PPP6R2: variants seen among roughly 807,000 people sequenced by gnomAD.
The protein encoded by PPP6R2 is serine/threonine-protein phosphatase 6 regulatory subunit 2.
Under a neutral mutation model 100.2 loss-of-function variants are expected in PPP6R2, and 62 were observed. The observed-to-expected ratio is 0.62, with a 90% CI of 0.50 to 0.76. The LOEUF (loss-of-function observed/expected upper bound fraction) is 0.76, where lower values mean the gene tolerates loss of function less well. Among genes scored for constraint, PPP6R2 ranks in the 30% least tolerant of loss-of-function variants. PPP6R2 has a pLI of 0.00. For synonymous variants in PPP6R2, 525 were observed against 514.7 expected (o/e 1.02, Z -0.27); for missense variants, 1,142 against 1,276.3 (o/e 0.89, Z 1.60).
intron 10 of PPP6R2, among the ~76,000 whole-genome samples, chr22:50,429,176 G>A (rs1366403913): frequency 4.6e-5 from 7 of 152,064 alleles, no homozygotes; most frequent in South Asian, 4.1e-4. Flanking sequence ...GATTACAGGC[G>A]TGTGCCACCA....
intron 1 of PPP6R2, among the ~76,000 whole-genome samples, chr22:50,348,725 A>G (rs150771455): frequency 2.0e-5 from 3 of 152,226 alleles, no homozygotes; most frequent in South Asian, 2.1e-4. Flanking sequence ...CAGGTATACA[A>G]CTGTCATCAT....
intron 2 of PPP6R2, among the ~76,000 whole-genome samples, chr22:50,389,982 C>CTTT (rs1475511171): frequency 4.1e-5 from 6 of 146,118 alleles, no homozygotes; most frequent in Non-Finnish European, 9.0e-5. Context: ...TTTCTTTTTT[C>CTTT]TTTTTCTTTT....
chr22:50,369,932 AG>A (rs1352532877), intron 1 of PPP6R2, among the ~76,000 whole-genome samples: 2 of 134,590 alleles, frequency 1.5e-5, no homozygotes, highest in Non-Finnish European at 3.1e-5. Flanking sequence ...TTTTTTAAGT[AG>A]AGGCAAGGTC....
chr22:50,415,227 C>G (rs2060362711), intron 5 of PPP6R2, among the ~76,000 whole-genome samples: 1 of 152,230 alleles, frequency 6.6e-6, no homozygotes, highest in African/African-American at 2.4e-5. Context: ...TGACAAACTT[C>G]TGCTCACTGT....
chr22:50,435,218 C>T (rs1200090402), intron 13 of PPP6R2, 137 bp downstream of exon 13: 13 of 618,740 alleles, frequency 2.1e-5, no homozygotes, highest in Non-Finnish European at 2.9e-5. Flanking sequence ...CACCTCTGTC[C>T]TCTCACTTCA....
intron 1 of PPP6R2, among the ~76,000 whole-genome samples, chr22:50,347,673 T>C (rs1208901837): frequency 1.3e-5 from 2 of 152,152 alleles, no homozygotes; most frequent in Admixed American, 1.3e-4. Context: ...ATTTAGTCCC[T>C]GCCTTTCACT....
intron 2 of PPP6R2, among the ~76,000 whole-genome samples, chr22:50,378,883 TAAA>T (rs112688457): frequency 7.8e-5 from 10 of 128,428 alleles, no homozygotes; most frequent in Non-Finnish European, 8.5e-5. Context: ...CTGTCCCAAT[TAAA>T]AAAAAAAAAA....
In PPP6R2 at chr22:50,435,046, G is replaced by C. The variant is rs751770595; in HGVS notation, c.1481G>C (p.Gly494Ala). ...ANAVVQNLER[G>A]PVQTHISEVI... Reference sequence around the variant, plus strand: ...GCGGTGGTGCAGAACCTGGAGCGGGGCCCTGTGCAGACGCACATCAGCGAG... The same window carrying C: ...GCGGTGGTGCAGAACCTGGAGCGGGCCCCTGTGCAGACGCACATCAGCGAG... The change falls in exon 13 of 24, where the codon GGC becomes GCC. Residue 494 changes from glycine to alanine, a missense_variant. Gly to Ala is a moderately conservative substitution (Grantham distance 60). Transcript: ENST00000612753. 10 of 1,593,158 alleles carry C rather than the reference G, an allele frequency of 6.3e-6. No homozygotes were observed. Among genetic ancestry groups the C allele is most frequent in the Non-Finnish European group, 7.7e-6 (9 of 1,168,712 alleles).
Position 50,439,819 on chromosome 22 carries a change from A to T in PPP6R2, c.2247A>T (p.Lys749Asn). Residue 749 changes from lysine (K) to asparagine (N), a missense_variant, in exon 20 of 24, where the codon AAA (lysine) becomes AAT (asparagine). By Grantham distance (94) the Lys-to-Asn change is moderately conservative. Around this residue, in one of 2 missense-constraint regions of PPP6R2, gnomAD observed 550 missense variants for 517.4 expected, o/e 1.06. Coordinates refer to ENST00000612753, the MANE Select transcript of PPP6R2 (RefSeq NM_001242898.2). ...CTGGCACCTCAGCTCCAGAGGAGAA[A>T]GGCTGGGCCAAGTTCACTGACTTCC... ...WAAGTSAPEE[K>N]GWAKFTDFQP... The T allele has an allele frequency of 6.2e-7, 1 of 1,613,780 alleles. No individual in the cohort carries two copies. Among genetic ancestry groups the T allele is most frequent in the Non-Finnish European group, 8.5e-7 (1 of 1,179,900 alleles).
In PPP6R2 at chr22:50,429,606, C is replaced by A. The variant is rs2062786535; in HGVS notation, c.1126-1567C>A. On this transcript the variant is annotated intron_variant, in intron 10 of 23. Coordinates refer to ENST00000612753, the MANE Select transcript of PPP6R2 (RefSeq NM_001242898.2). ...TTCAGCTTTGGTATCAGAGGTAATTCTGTCCTCACAGAATGAATTAGAAAG... is the reference window on the plus strand; with the variant it reads ...TTCAGCTTTGGTATCAGAGGTAATTATGTCCTCACAGAATGAATTAGAAAG... Among the ~76,000 whole-genome samples, 3 of 152,162 alleles carry A rather than the reference C, an allele frequency of 2.0e-5. No homozygotes were observed. In the South Asian group the frequency reaches 6.2e-4, roughly 32 times the overall value.
rs754409104 is a variant in PPP6R2 at position 50,432,334 on chromosome 22, G to C, written c.1400+5G>C. 6.5e-7 allele frequency: 1 copy of C among 1,548,752 alleles called. No homozygotes were observed. Among genetic ancestry groups the C allele is most frequent in the African/African-American group, 1.4e-5 (1 of 73,104 alleles). On this transcript the variant is annotated splice_donor_5th_base_variant and intron_variant, in intron 12 of 23. Coordinates refer to ENST00000612753, the MANE Select transcript of PPP6R2 (RefSeq NM_001242898.2). ...GGAAGCCAACGACCACACGCAGTAA[G>C]AGCCGCTCGGACGTGGAGGGACCCA...
rs2064445857 is a variant in PPP6R2, at chr22:50,436,975, G to A, written c.1603-13G>A. ...CTGGCTCACACGCCCACCCCATCTG[G>A]CCTGTGTTTTAGGTGAGCACTCACC... On this transcript the variant is annotated splice_polypyrimidine_tract_variant and intron_variant, in intron 14 of 23. Coordinates refer to ENST00000612753, the MANE Select transcript of PPP6R2 (RefSeq NM_001242898.2). 2 of 1,552,752 alleles carry A rather than the reference G, an allele frequency of 1.3e-6. No homozygotes were observed. Among genetic ancestry groups the A allele is most frequent in the Admixed American group, 1.9e-5 (1 of 51,342 alleles).
chr22:50,389,976 T>TTTTTTC (rs1177139239), intron 2 of PPP6R2, among the ~76,000 whole-genome samples: 6 of 149,466 alleles, frequency 4.0e-5, no homozygotes, highest in Non-Finnish European at 7.4e-5. Flanking sequence ...GATTTTTTTC[T>TTTTTTC]TTTTTCTTTT....
intron 4 of PPP6R2, among the ~76,000 whole-genome samples, chr22:50,412,348 C>T (rs938147607): frequency 4.6e-5 from 7 of 151,082 alleles, no homozygotes; most frequent in South Asian, 2.1e-4. Context: ...CCCACCACCA[C>T]GTCTTGCTAA....
At chr22:50,395,614 G>A (rs959512603) in intron 3 of PPP6R2, among the ~76,000 whole-genome samples, 1 of 152,200 alleles carries the variant, frequency 6.6e-6, no homozygotes, top group Non-Finnish European at 1.5e-5. Flanking sequence ...AGGCTGGGGT[G>A]CAGTGGCATG....
chr22:50,406,634 C>G, intron 3 of PPP6R2, 55 bp from the exon 4 acceptor site: 1 of 1,523,230 alleles, frequency 6.6e-7, no homozygotes, highest in Non-Finnish European at 9.0e-7. Flanking sequence ...AAGCAGCTTC[C>G]TAAGAGTTGG....
chr22:50,416,281 G>T, intron 6 of PPP6R2, 124 bp downstream of exon 6: 3 of 792,942 alleles, frequency 3.8e-6, no homozygotes, highest in Non-Finnish European at 6.0e-6. Flanking sequence ...GGATCGGTTA[G>T]GTACTTTTCT....
intron 2 of PPP6R2, among the ~76,000 whole-genome samples, chr22:50,387,329 G>T (rs960445355): frequency 2.6e-5 from 4 of 152,062 alleles, no homozygotes; most frequent in Non-Finnish European, 4.4e-5. Flanking sequence ...TCGGCCTCCC[G>T]AATTGTTGGG....
chr22:50,399,954 T>C (rs982011783), intron 3 of PPP6R2, among the ~76,000 whole-genome samples: 5 of 152,252 alleles, frequency 3.3e-5, no homozygotes, highest in Admixed American at 2.0e-4. Context: ...CTTGCCAAGA[T>C]CTGGATTATT....
Sources: allele counts gnomAD v4.1 joint callset (sites outside exome capture counted in the v4.1 genomes callset), GRCh38; gene constraint gnomAD v4.1.1; regional missense constraint gnomAD v4.1.1; transcripts MANE v1.5; gene names NCBI Gene and HGNC (gene_info 2026-07-23, HGNC 2026-07-21).